Variants in CAPN6 observed in about 807,000 individuals in gnomAD.
CAPN6 encodes the protein calpain-6.
In CAPN6, 16 loss-of-function variants were observed where a neutral mutation model predicts 46.0. The ratio of observed to expected loss-of-function variants is 0.35; its 90% CI spans 0.24 to 0.53. The LOEUF (loss-of-function observed/expected upper bound fraction) is 0.53, where lower values mean the gene tolerates loss of function less well. Among genes scored for constraint, CAPN6 ranks in the 20% least tolerant of loss-of-function variants. CAPN6 has a pLI of 0.94. For missense variants in CAPN6, 461 were observed against 498.0 expected, an observed-to-expected ratio of 0.93 and a Z score of 0.71; for synonymous variants, 206 against 172.8, an observed-to-expected ratio of 1.19 and a Z score of -1.51.
chrX:111,249,757 C>G (rs1298650265), intron 8 of CAPN6, among the ~76,000 whole-genome samples: 1 of 109,303 alleles, frequency 9.1e-6, no homozygotes, highest in African/African-American at 3.3e-5. Context: ...TTCAAGGGTG[C>G]AGTGAACTGT....
intron 1 of CAPN6, among the ~76,000 whole-genome samples, chrX:111,267,477 C>T (rs1603409393): frequency 8.9e-6 from 1 of 111,738 alleles, no homozygotes; most frequent in Non-Finnish European, 1.9e-5. Context: ...GAGACTGCCA[C>T]GTAGAATACA....
chrX:111,263,839 A>T lies in CAPN6; in HGVS notation c.98T>A (p.Leu33Gln). The T allele has an allele frequency of 5.8e-6, 7 of 1,209,024 alleles. No homozygotes were observed. Among genetic ancestry groups the T allele is most frequent in the African/African-American group, 1.7e-5 (1 of 57,786 alleles). The change falls in exon 2 of 13, where the codon CTG (leucine) becomes CAG (glutamine). Residue 33 changes from leucine (L) to glutamine (Q), a missense_variant. Coordinates refer to ENST00000324068, the MANE Select transcript of CAPN6 (RefSeq NM_014289.4). ...DSRLFCDPTF[L>Q]PENDSLFYNR... ...GTAGAAAAGAGAATCATTCTCAGGC[A>T]GAAATGTTGGATCACAGAAAAGTCT... is the stretch of plus-strand genomic sequence containing the variant.
rs2094980275 is a variant in CAPN6 at position 111,252,326 on chromosome X, A to C, written c.680T>G (p.Leu227Arg). The change falls in exon 5 of 13, where the codon CTG (leucine) becomes CGG (arginine). Residue 227 changes from leucine (L) to arginine (R), a missense_variant. Leu to Arg is a moderately radical substitution (Grantham distance 102). Coordinates refer to ENST00000324068, the MANE Select transcript of CAPN6 (RefSeq NM_014289.4). ...ELYKTFTKGGLICCSIESPNQ... is the reference protein window; with the variant it reads ...ELYKTFTKGGRICCSIESPNQ... ...ACAAACCTCAATGGAACAGCAGATC[A>C]GACCACCTTTGGTAAATGTTTTGTA... 8.3e-7 allele frequency: 1 copy of C among 1,206,731 alleles called. No homozygotes were observed. Among genetic ancestry groups the C allele is most frequent in the Non-Finnish European group, 1.1e-6 (1 of 892,821 alleles).
rs750739901 is a variant in CAPN6, at chrX:111,252,650, G to T, written c.507-151C>A. On this transcript the variant is annotated intron_variant, in intron 4 of 12. Transcript: ENST00000324068. Reference sequence around the variant, plus strand: ...GAGAGATGTTTTGAAATTATATTCAGAAATTTCTAGGCTTAGGCTATGTTG... The same window carrying T: ...GAGAGATGTTTTGAAATTATATTCATAAATTTCTAGGCTTAGGCTATGTTG... 2.1e-5 allele frequency: 10 copies of T among 482,096 alleles called. No individual in the cohort carries two copies. In the South Asian group the frequency reaches 3.8e-4, roughly 18 times the overall value. The allele number at this position is 482,096 out of a possible 1,213,427, so 39.7% of individuals were successfully genotyped here. A position where few individuals can be genotyped will look rare whatever the true frequency, so the allele number is the denominator to read the frequency against.
At chrX:111,247,340 T>C (rs201476953) in intron 12 of CAPN6, 28 bp downstream of exon 12, 2 of 1,159,801 alleles carry the variant, frequency 1.7e-6, no homozygotes, top group East Asian at 6.0e-5. Flanking sequence ...GTATGAGCCT[T>C]TCTGGCGACC....
chrX:111,246,988 C>T (rs1256004593), intron 12 of CAPN6, among the ~76,000 whole-genome samples: 9 of 111,782 alleles, frequency 8.1e-5, no homozygotes, highest in Non-Finnish European at 3.8e-5. Flanking sequence ...GGGATGGTTA[C>T]CTAAAGGCTG....
In CAPN6 at chrX:111,247,377, A is replaced by G; in HGVS notation, c.1734T>C (p.Ile578=). 8.3e-7 allele frequency: 1 copy of G among 1,208,944 alleles called. No individual in the cohort carries two copies. Among genetic ancestry groups the G allele is most frequent in the South Asian group, 1.8e-5 (1 of 56,492 alleles). The change falls in exon 12 of 13, where the codon ATT becomes ATC. Residue 578 remains isoleucine, a synonymous_variant. Coordinates refer to ENST00000324068, the MANE Select transcript of CAPN6 (RefSeq NM_014289.4). ...IFYRRTTDIP[I]IVQVWNSRKF... ...CTGTACACACTCTTACCTGTACTAT[A>G]ATAGGAATGTCAGTGGTCCTTCTGT...
chrX:111,260,327 T>C lies in CAPN6; in HGVS notation c.165+3445A>G, dbSNP rs747678122. On this transcript the variant is annotated intron_variant, in intron 2 of 12. Transcript: ENST00000324068. ...CGGAGCTTGACTGGAGTCAGTTTGTTAAACTATCAGTGGTGTTTGCAGGCA... is the reference window on the plus strand; with the variant it reads ...CGGAGCTTGACTGGAGTCAGTTTGTCAAACTATCAGTGGTGTTTGCAGGCA... 5.3e-5 allele frequency among the ~76,000 whole-genome samples: 6 copies of C among 113,013 alleles called. No individual in the cohort carries two copies. In the East Asian group the frequency reaches 1.7e-3, roughly 32 times the overall value.
intron 1 of CAPN6, among the ~76,000 whole-genome samples, chrX:111,266,957 G>A (rs765013974): frequency 1.8e-5 from 2 of 112,021 alleles, no homozygotes; most frequent in African/African-American, 6.5e-5. Flanking sequence ...TCTTTACATC[G>A]GCGGGTTCAT....
At chrX:111,254,620 G>T (rs1378638605) in intron 2 of CAPN6, among the ~76,000 whole-genome samples, 2 of 111,533 alleles carry the variant, frequency 1.8e-5, no homozygotes, top group African/African-American at 3.3e-5. Flanking sequence ...AGTGGCAGGA[G>T]AAATGAAAGG....
At chrX:111,257,506 A>G (rs1323376617) in intron 2 of CAPN6, among the ~76,000 whole-genome samples, 2 of 112,423 alleles carry the variant, frequency 1.8e-5, no homozygotes, top group African/African-American at 6.5e-5. Context: ...AGGCATTAAA[A>G]GACTAGAAAG....
At chrX:111,260,234 G>T (rs1335872988) in intron 2 of CAPN6, among the ~76,000 whole-genome samples, 4 of 110,477 alleles carry the variant, frequency 3.6e-5, no homozygotes, top group African/African-American at 1.3e-4. Flanking sequence ...CAAGTGGGAG[G>T]AGGGGAACTC....
At chrX:111,255,354 A>G (rs765570730) in intron 2 of CAPN6, among the ~76,000 whole-genome samples, 4 of 112,431 alleles carry the variant, frequency 3.6e-5, no homozygotes, top group Non-Finnish European at 7.5e-5. Flanking sequence ...GTACGGTGGC[A>G]TAACAGGTAG....
rs1177684347 is a variant in CAPN6, at chrX:111,263,754, T to C, written c.165+18A>G. ...TGAAGGAGGTCAAGGAGACAGAATG[T>C]GTAAAATAGAAAGTTACCTGGGGAC... is the stretch of plus-strand genomic sequence containing the variant. On this transcript the variant is annotated intron_variant, in intron 2 of 12. Coordinates refer to ENST00000324068, the MANE Select transcript of CAPN6 (RefSeq NM_014289.4). 1 of 1,186,922 alleles carries C rather than the reference T, an allele frequency of 8.4e-7. No individual in the cohort carries two copies. Among genetic ancestry groups the C allele is most frequent in the African/African-American group, 1.8e-5 (1 of 56,470 alleles).
intron 3 of CAPN6, 138 bp from the exon 4 acceptor site, chrX:111,253,354 T>A: frequency 2.0e-6 from 1 of 501,621 alleles, no homozygotes; most frequent in Non-Finnish European, 3.4e-6. Flanking sequence ...GGATTGGAAA[T>A]TCCTAGATAT....
intron 2 of CAPN6, among the ~76,000 whole-genome samples, chrX:111,254,875 C>T (rs2094982563): frequency 8.9e-6 from 1 of 112,114 alleles, no homozygotes; most frequent in African/African-American, 3.2e-5. Flanking sequence ...ATCTCCTTCT[C>T]TAGGAAAACC....
At chrX:111,265,264 T>C (rs1240617335) in intron 1 of CAPN6, among the ~76,000 whole-genome samples, 2 of 112,591 alleles carry the variant, frequency 1.8e-5, no homozygotes, top group Non-Finnish European at 3.8e-5. Flanking sequence ...GTTTCCCCAT[T>C]TGAAAACCAT....
At chrX:111,252,158 A>ACACC in intron 5 of CAPN6, 149 bp downstream of exon 5, 1 of 451,925 alleles carries the variant, frequency 2.2e-6, no homozygotes, top group East Asian at 3.8e-5. Context: ...CTCAGCTTCC[A>ACACC]CACCAGGGCA....
At chrX:111,263,723 G>T (rs758827963) in intron 2 of CAPN6, 49 bp downstream of exon 2, 3 of 1,080,870 alleles carry the variant, frequency 2.8e-6, no homozygotes, top group South Asian at 4.3e-5. Context: ...TCACGTAGAA[G>T]TATGATGAAG....
Sources: allele counts gnomAD v4.1 joint callset (sites outside exome capture counted in the v4.1 genomes callset), GRCh38; gene constraint gnomAD v4.1.1; transcripts MANE v1.5; gene names NCBI Gene and HGNC (gene_info 2026-07-23, HGNC 2026-07-21).